AGBL1: variants seen among roughly 807,000 people sequenced by gnomAD.
AGBL1 encodes cytosolic carboxypeptidase 4.
A neutral mutation model predicts 118.9 loss-of-function variants in AGBL1; 130 were observed. That is an observed-to-expected ratio of 1.09 (90% CI 0.95 to 1.26). The LOEUF (loss-of-function observed/expected upper bound fraction) is 1.26, where lower values mean the gene tolerates loss of function less well. AGBL1 is among the 50% of genes most tolerant of loss of function. The pLI is 0.00. For synonymous variants in AGBL1, 555 were observed against 478.9 expected, an observed-to-expected ratio of 1.16 and a Z score of -2.08; for missense variants, 1,584 against 1,298.1, an observed-to-expected ratio of 1.22 and a Z score of -3.38.
At chr15:86,788,586 A>G (rs1182050818) in intron 22 of AGBL1, among the ~76,000 whole-genome samples, 2 of 152,218 alleles carry the variant, frequency 1.3e-5, no homozygotes, top group Non-Finnish European at 2.9e-5. Flanking sequence ...TGGAGCATAT[A>G]TTTTAAAGAT....
At chr15:86,354,733 A>T (rs1045203391) in intron 17 of AGBL1, among the ~76,000 whole-genome samples, 5 of 152,208 alleles carry the variant, frequency 3.3e-5, no homozygotes, top group African/African-American at 9.6e-5. Flanking sequence ...TGAATGGGTT[A>T]CTTTACATAG....
At chr15:86,810,009 C>A (rs1391207966) in intron 22 of AGBL1, among the ~76,000 whole-genome samples, 3 of 152,036 alleles carry the variant, frequency 2.0e-5, no homozygotes, top group East Asian at 3.9e-4. Flanking sequence ...TTAAAAAAAT[C>A]TCATTAAAAC....
At chr15:86,730,405 C>A (rs957461773) in intron 22 of AGBL1, among the ~76,000 whole-genome samples, 1 of 152,116 alleles carries the variant, frequency 6.6e-6, no homozygotes, top group Non-Finnish European at 1.5e-5. Flanking sequence ...AATAATCAAA[C>A]AAGCAAAAAA....
intron 22 of AGBL1, among the ~76,000 whole-genome samples, chr15:86,688,392 C>G (rs1027418878): frequency 2.8e-4 from 43 of 152,136 alleles, no homozygotes; most frequent in Non-Finnish European, 8.8e-5. Context: ...GGTTTTCAAA[C>G]TGTCTGAATT....
chr15:86,659,489 C>G (rs2085507573), intron 21 of AGBL1, among the ~76,000 whole-genome samples: 1 of 152,108 alleles, frequency 6.6e-6, no homozygotes, highest in African/African-American at 2.4e-5. Flanking sequence ...GGGGTTTTCT[C>G]TTCTGTCTAT....
chr15:86,303,213 T>C (rs1241603735), intron 17 of AGBL1, among the ~76,000 whole-genome samples: 1 of 152,190 alleles, frequency 6.6e-6, no homozygotes, highest in Non-Finnish European at 1.5e-5. Flanking sequence ...ATAATACTTT[T>C]TCATAGAGCA....
chr15:86,508,154 C>T (rs2083003046), intron 18 of AGBL1, among the ~76,000 whole-genome samples: 1 of 151,752 alleles, frequency 6.6e-6, no homozygotes, highest in Non-Finnish European at 1.5e-5. Context: ...GATCTCTTGA[C>T]CTTGTGATCT....
At chr15:86,756,171 A>T (rs1440121934) in intron 22 of AGBL1, among the ~76,000 whole-genome samples, 2 of 152,106 alleles carry the variant, frequency 1.3e-5, no homozygotes, top group Non-Finnish European at 1.5e-5. Context: ...GGCCAAACAA[A>T]TATCTTGAAA....
At chr15:86,290,671 T>C (rs1216922403) in intron 16 of AGBL1, among the ~76,000 whole-genome samples, 1 of 149,846 alleles carries the variant, frequency 6.7e-6, no homozygotes, top group Non-Finnish European at 1.5e-5. Context: ...ATTTTCTTAT[T>C]ATTTTTTATT....
intron 17 of AGBL1, among the ~76,000 whole-genome samples, chr15:86,302,071 G>A (rs1250424308): frequency 1.3e-5 from 2 of 152,062 alleles, no homozygotes; most frequent in African/African-American, 4.8e-5. Flanking sequence ...CCCTCAAGCT[G>A]TGTGACATCG....
chr15:86,816,038 A>T (rs2078852987), intron 22 of AGBL1, among the ~76,000 whole-genome samples: 1 of 152,178 alleles, frequency 6.6e-6, no homozygotes, highest in Non-Finnish European at 1.5e-5. Context: ...TTCAGCCAGA[A>T]ATATGGGATA....
intron 17 of AGBL1, among the ~76,000 whole-genome samples, chr15:86,318,545 G>A (rs1217619359): frequency 6.6e-6 from 1 of 151,440 alleles, no homozygotes; most frequent in African/African-American, 2.4e-5. Flanking sequence ...AATAAAGCCT[G>A]GGTCCAAAGA....
chr15:86,975,066 G>A (rs887027250), intron 23 of AGBL1, among the ~76,000 whole-genome samples: 1 of 152,020 alleles, frequency 6.6e-6, no homozygotes, highest in African/African-American at 2.4e-5. Context: ...ACAGGACCAA[G>A]TAATCCTCCC....
At chr15:86,824,168 T>C (rs2078976618) in intron 22 of AGBL1, among the ~76,000 whole-genome samples, 1 of 152,054 alleles carries the variant, frequency 6.6e-6, no homozygotes, top group African/African-American at 2.4e-5. Context: ...ATTGTCTATG[T>C]AAAACATTCC....
At chr15:86,205,936 G>A (rs879891302) in intron 5 of AGBL1, among the ~76,000 whole-genome samples, 7 of 152,060 alleles carry the variant, frequency 4.6e-5, no homozygotes, top group African/African-American at 1.4e-4. Context: ...CTATTAACTC[G>A]TCATTTACAT....
chr15:86,859,679 G>A (rs534509747), intron 22 of AGBL1, among the ~76,000 whole-genome samples: 37 of 152,270 alleles, frequency 2.4e-4, no homozygotes, highest in Admixed American at 2.2e-3. Context: ...CAGCAGGTCT[G>A]GACGAGTCGC....
intron 22 of AGBL1, among the ~76,000 whole-genome samples, chr15:86,717,994 C>T (rs913722584): frequency 3.3e-4 from 50 of 152,186 alleles, no homozygotes; most frequent in African/African-American, 1.2e-3. Context: ...AGGAGAATCA[C>T]TTGAACCTGG....
chr15:86,702,899 ATCTT>A (rs149289714), intron 22 of AGBL1, among the ~76,000 whole-genome samples: 1,728 of 152,210 alleles, frequency 0.011, 25 homozygotes, highest in East Asian at 0.071. Flanking sequence ...GCTTAAAAAA[ATCTT>A]TCAAGGAAGC....
At chr15:86,739,643 A>G (rs1280504862) in intron 22 of AGBL1, among the ~76,000 whole-genome samples, 1 of 152,116 alleles carries the variant, frequency 6.6e-6, no homozygotes, top group East Asian at 1.9e-4. Flanking sequence ...GCTCCCATAA[A>G]TAATCTATCC....
Sources: allele counts gnomAD v4.1 joint callset (sites outside exome capture counted in the v4.1 genomes callset), GRCh38; gene constraint gnomAD v4.1.1; transcripts MANE v1.5; gene names NCBI Gene and HGNC (gene_info 2026-07-23, HGNC 2026-07-21).